LTBP1: variants seen among roughly 807,000 people sequenced by gnomAD.
The protein encoded by LTBP1 is latent-transforming growth factor beta-binding protein 1.
LTBP1 carries 129 observed loss-of-function variants against 207.6 expected under a neutral mutation model. That is an observed-to-expected ratio of 0.62 (90% CI 0.54 to 0.72). LTBP1 has a LOEUF of 0.72. LTBP1 is among the 30% of genes least tolerant of loss of function. LTBP1 has a pLI of 0.00. For synonymous variants in LTBP1, 963 were observed against 833.7 expected, an observed-to-expected ratio of 1.16 and a Z score of -2.67; for missense variants, 2,281 against 2,217.2, an observed-to-expected ratio of 1.03 and a Z score of -0.58.
At chr2:33,202,229 C>G (rs145430589) in intron 7 of LTBP1, among the ~76,000 whole-genome samples, 2 of 152,076 alleles carry the variant, frequency 1.3e-5, no homozygotes, top group Non-Finnish European at 2.9e-5. Flanking sequence ...ATACTTTTGT[C>G]ACAGGACTTT....
intron 9 of LTBP1, among the ~76,000 whole-genome samples, chr2:33,228,697 CTTTTTT>C: frequency 1.0e-5 from 1 of 99,050 alleles, no homozygotes; most frequent in African/African-American, 4.1e-5. Flanking sequence ...GGGTTATACC[CTTTTTT>C]TTTTTTTTTT....
Position 33,256,740 on chromosome 2 carries a change from A to AG in LTBP1, c.2168-544_2168-543insG, listed in dbSNP as rs1322105578. Among the ~76,000 whole-genome samples, 25 of 35,328 alleles carry AG rather than the reference A, an allele frequency of 7.1e-4. 1 individual carries two copies. The highest frequency in any genetic ancestry group is 2.1e-3 in the African/African-American group (23 of 11,110). 23.2% of individuals were successfully genotyped at this position (35,328 alleles called of 152,430 possible). A position where few individuals can be genotyped will look rare whatever the true frequency, so the allele number is the denominator to read the frequency against. On this transcript the variant is annotated intron_variant, in intron 11 of 33. Transcript: ENST00000404816. ...GAGGGCTAACTATATATATATATAT[A>AG]TATATATATATATATATATATATAT...
At chr2:33,261,756 TA>T (rs1451942283) in intron 13 of LTBP1, among the ~76,000 whole-genome samples, 2 of 152,170 alleles carry the variant, frequency 1.3e-5, no homozygotes, top group Non-Finnish European at 2.9e-5. Flanking sequence ...TAAATGGACT[TA>T]CCCTGTAAGC....
intron 2 of LTBP1, among the ~76,000 whole-genome samples, chr2:33,003,863 C>T: frequency 6.6e-6 from 1 of 152,350 alleles, no homozygotes; most frequent in Non-Finnish European, 1.5e-5. Flanking sequence ...TTGCACAAAG[C>T]CTGTGGCAGT....
chr2:33,015,799 A>G (rs1311476078), intron 2 of LTBP1, among the ~76,000 whole-genome samples: 5 of 152,300 alleles, frequency 3.3e-5, no homozygotes, highest in Non-Finnish European at 7.3e-5. Context: ...CAATCATGGC[A>G]TGAGGCAAAT....
intron 31 of LTBP1, among the ~76,000 whole-genome samples, chr2:33,386,917 G>A (rs2095270805): frequency 7.0e-6 from 1 of 142,782 alleles, no homozygotes; most frequent in Non-Finnish European, 1.5e-5. Flanking sequence ...TGCAACCTCT[G>A]CCTCCTAGGT....
intron 3 of LTBP1, among the ~76,000 whole-genome samples, chr2:33,061,123 G>A (rs1013059120): frequency 3.9e-5 from 6 of 152,048 alleles, no homozygotes; most frequent in Non-Finnish European, 8.8e-5. Flanking sequence ...CTATATTTAG[G>A]AAAGACTTCT....
At chr2:32,993,072 A>G (rs10204733) in intron 2 of LTBP1, among the ~76,000 whole-genome samples, 11,213 of 152,174 alleles carry the variant, frequency 0.074, 499 homozygotes, top group South Asian at 0.19. Context: ...GAGAGAGCCC[A>G]CAGCAGCTGG....
At chr2:33,018,957 C>G (rs1688776145) in intron 2 of LTBP1, among the ~76,000 whole-genome samples, 1 of 152,034 alleles carries the variant, frequency 6.6e-6, no homozygotes, top group Non-Finnish European at 1.5e-5. Flanking sequence ...TTAGAAAAAT[C>G]ATTACTTGCT....
chr2:33,229,916 G>C (rs1288502308), intron 9 of LTBP1, among the ~76,000 whole-genome samples: 4 of 152,188 alleles, frequency 2.6e-5, no homozygotes, highest in Non-Finnish European at 4.4e-5. Context: ...AGGAGGCACT[G>C]CTAAATTACA....
intron 22 of LTBP1, among the ~76,000 whole-genome samples, chr2:33,305,436 T>C (rs2094073126): frequency 6.6e-6 from 1 of 152,076 alleles, no homozygotes; most frequent in Admixed American, 6.6e-5. Flanking sequence ...GGTGGTGATT[T>C]TAAATAAAGA....
At chr2:33,148,077 A>G (rs1415169388) in intron 5 of LTBP1, among the ~76,000 whole-genome samples, 2 of 152,186 alleles carry the variant, frequency 1.3e-5, no homozygotes, top group Non-Finnish European at 2.9e-5. Flanking sequence ...CCAGCTGCCA[A>G]TAGTGTGGTG....
At chr2:33,154,614 C>G (rs899916226) in intron 5 of LTBP1, among the ~76,000 whole-genome samples, 20 of 152,162 alleles carry the variant, frequency 1.3e-4, no homozygotes, top group African/African-American at 4.8e-4. Flanking sequence ...GTTGACCTTT[C>G]TACTTTTGCT....
At chr2:32,982,124 A>G (rs994978713) in intron 2 of LTBP1, among the ~76,000 whole-genome samples, 5 of 152,188 alleles carry the variant, frequency 3.3e-5, no homozygotes, top group African/African-American at 1.2e-4. Flanking sequence ...AATGGCTTTG[A>G]CCAAAATGCT....
At chr2:33,112,619 G>A (rs2080480499) in intron 4 of LTBP1, among the ~76,000 whole-genome samples, 1 of 152,202 alleles carries the variant, frequency 6.6e-6, no homozygotes, top group Non-Finnish European at 1.5e-5. Context: ...TTTTGCTGAG[G>A]CCAGAGCTCT....
chr2:33,029,129 G>A (rs2149300135), intron 3 of LTBP1, among the ~76,000 whole-genome samples: 1 of 152,262 alleles, frequency 6.6e-6, no homozygotes, highest in South Asian at 2.1e-4. Flanking sequence ...AAACACAGAA[G>A]AAATATTTAA....
chr2:33,044,037 CGT>C (rs2076322999), intron 3 of LTBP1, among the ~76,000 whole-genome samples: 1 of 144,988 alleles, frequency 6.9e-6, no homozygotes, highest in Non-Finnish European at 1.5e-5. Context: ...GATTTCTGTT[CGT>C]TTTTTTTTTT....
chr2:33,142,707 A>C (rs968705569), intron 5 of LTBP1, among the ~76,000 whole-genome samples: 1 of 152,136 alleles, frequency 6.6e-6, no homozygotes, highest in Non-Finnish European at 1.5e-5. Context: ...AGTTTTTTAA[A>C]AATTAAGCTT....
At chr2:33,080,201 A>T (rs1013396102) in intron 3 of LTBP1, among the ~76,000 whole-genome samples, 2 of 151,738 alleles carry the variant, frequency 1.3e-5, no homozygotes, top group Non-Finnish European at 2.9e-5. Flanking sequence ...TAATTTTTCT[A>T]TGTTTAGTTG....
Sources: allele counts gnomAD v4.1 joint callset (sites outside exome capture counted in the v4.1 genomes callset), GRCh38; gene constraint gnomAD v4.1.1; transcripts MANE v1.5; gene names NCBI Gene and HGNC (gene_info 2026-07-23, HGNC 2026-07-21).